SRPK2: variants seen among roughly 807,000 people sequenced by gnomAD.
The protein encoded by SRPK2 is SFRS protein kinase 2.
In SRPK2, 21 loss-of-function variants were observed where a neutral mutation model predicts 90.8. The ratio of observed to expected loss-of-function variants is 0.23; its 90% confidence interval spans 0.16 to 0.33. The LOEUF is 0.33. SRPK2 is among the 10% of genes least tolerant of loss of function. The pLI, the probability that SRPK2 is intolerant of heterozygous loss-of-function variation, is 1.00. For synonymous variants in SRPK2, 288 were observed against 311.1 expected, an observed-to-expected ratio of 0.93 and a Z score of 0.78; for missense variants, 620 against 869.0, an observed-to-expected ratio of 0.71 and a Z score of 3.60.
Position 105,223,606 on chromosome 7 carries a change from G to T in SRPK2, c.72-19821C>A, listed in dbSNP as rs1257919164. On this transcript the variant is annotated intron_variant, in intron 2 of 15. Coordinates refer to ENST00000393651, the MANE Select transcript of SRPK2 (RefSeq NM_182692.3). ...AGATCTCAACTATAGCACCTCCCGG[G>T]GTTCCTCTTGTATTTTAATTAACCA... 1.2e-4 allele frequency among the ~76,000 whole-genome samples: 18 copies of T among 152,188 alleles called. No homozygotes were observed. The East Asian group carries it at 3.5e-3, about 29-fold the overall frequency.
intron 2 of SRPK2, among the ~76,000 whole-genome samples, chr7:105,282,397 A>G (rs1168842602): frequency 1.3e-5 from 2 of 152,262 alleles, no homozygotes; most frequent in Non-Finnish European, 2.9e-5. Flanking sequence ...GAATCTTCAT[A>G]ACCTTAGAAG....
At chr7:105,193,993 A>G (rs1365686092) in intron 3 of SRPK2, among the ~76,000 whole-genome samples, 2 of 152,224 alleles carry the variant, frequency 1.3e-5, no homozygotes, top group Non-Finnish European at 2.9e-5. Flanking sequence ...TCCCAGTCAC[A>G]TTCTTTGTCA....
chr7:105,170,420 C>T lies in SRPK2; in HGVS notation c.230-1155G>A, dbSNP rs146391971. ...ACAAATGAAGAAATGAGGCCGGGCA[C>T]GGTGGCTCACACCTGTAATCCCAGC... On this transcript the variant is annotated intron_variant, in intron 3 of 15. Coordinates refer to ENST00000393651, the MANE Select transcript of SRPK2 (RefSeq NM_182692.3). Among the ~76,000 whole-genome samples the T allele has an allele frequency of 1.8e-3, 280 of 151,884 alleles. 2 individuals are homozygous for T. Among genetic ancestry groups the T allele is most frequent in the East Asian group, 0.013 (65 of 5,134 alleles).
chr7:105,283,436 T>C (rs1338532207), intron 2 of SRPK2, among the ~76,000 whole-genome samples: 1 of 152,226 alleles, frequency 6.6e-6, no homozygotes, highest in Non-Finnish European at 1.5e-5. Context: ...GGTATATACA[T>C]ATGTAAAAGA....
chr7:105,165,628 C>T (rs1789945635), intron 6 of SRPK2, among the ~76,000 whole-genome samples: 1 of 152,118 alleles, frequency 6.6e-6, no homozygotes, highest in Non-Finnish European at 1.5e-5. Context: ...TAAAAACACA[C>T]TAATCAGCAC....
chr7:105,207,715 T>C (rs780235962), intron 2 of SRPK2, among the ~76,000 whole-genome samples: 5 of 152,130 alleles, frequency 3.3e-5, no homozygotes, highest in African/African-American at 4.8e-5. Context: ...GAAAAAAACA[T>C]AGGAGTAAAT....
intron 15 of SRPK2, chr7:105,125,829 T>G: frequency 7.7e-7 from 1 of 1,294,960 alleles, no homozygotes; most frequent in Non-Finnish European, 1.0e-6. Flanking sequence ...CATAGCGTAT[T>G]TTCGAGGGAC....
At chr7:105,175,969 C>T (rs1404794883) in intron 3 of SRPK2, among the ~76,000 whole-genome samples, 2 of 152,064 alleles carry the variant, frequency 1.3e-5, no homozygotes, top group African/African-American at 2.4e-5. Context: ...GAAATACTTC[C>T]AGTTTTGATC....
chr7:105,225,484 T>C (rs947183296), intron 2 of SRPK2, among the ~76,000 whole-genome samples: 1 of 152,202 alleles, frequency 6.6e-6, no homozygotes, highest in African/African-American at 2.4e-5. Context: ...CCCAAATCAT[T>C]AGCCAGCCTC....
At chr7:105,183,901 G>A (rs1420132611) in intron 3 of SRPK2, among the ~76,000 whole-genome samples, 1 of 151,138 alleles carries the variant, frequency 6.6e-6, no homozygotes, top group East Asian at 1.9e-4. Context: ...TTCGCTGAAT[G>A]TATTTTAAGT....
intron 2 of SRPK2, among the ~76,000 whole-genome samples, chr7:105,385,095 A>G (rs531257098): frequency 1.4e-5 from 2 of 147,444 alleles, no homozygotes; most frequent in Admixed American, 1.4e-4. Flanking sequence ...GATGGTCTCG[A>G]TCTCCTGACC....
At chr7:105,311,548 T>G (rs1811710641) in intron 2 of SRPK2, among the ~76,000 whole-genome samples, 1 of 152,176 alleles carries the variant, frequency 6.6e-6, no homozygotes, top group African/African-American at 2.4e-5. Flanking sequence ...GCAAAGGATT[T>G]CAAGTCATTT....
intron 2 of SRPK2, among the ~76,000 whole-genome samples, chr7:105,380,871 T>G (rs1160382978): frequency 6.6e-6 from 1 of 150,760 alleles, no homozygotes; most frequent in Non-Finnish European, 1.5e-5. Context: ...CAGCTGACAC[T>G]TGCTTCTTAA....
At chr7:105,380,610 G>C (rs1820830941) in intron 2 of SRPK2, among the ~76,000 whole-genome samples, 1 of 145,726 alleles carries the variant, frequency 6.9e-6, no homozygotes, top group African/African-American at 2.6e-5. Flanking sequence ...TGCAAGCTCT[G>C]CCTCCCGGGT....
intron 2 of SRPK2, among the ~76,000 whole-genome samples, chr7:105,376,473 C>T (rs1456565330): frequency 2.6e-5 from 4 of 151,850 alleles, no homozygotes; most frequent in African/African-American, 9.7e-5. Context: ...TCCAAATACC[C>T]CTTTTCTTGC....
At chr7:105,119,327 C>T (rs545810517) in intron 15 of SRPK2, among the ~76,000 whole-genome samples, 29 of 152,140 alleles carry the variant, frequency 1.9e-4, no homozygotes, top group Admixed American at 1.0e-3. Flanking sequence ...AAAGCCCTCC[C>T]GTTTAAAAAC....
rs186377826 is a variant in SRPK2 at position 105,329,902 on chromosome 7, G to T, written c.71+58746C>A. Among the ~76,000 whole-genome samples the T allele has an allele frequency of 5.4e-4, 82 of 151,874 alleles. 1 individual carries two copies. The highest frequency in any genetic ancestry group is 1.9e-3 in the African/African-American group (77 of 41,420). ...ATACAAAAATTAGCCGGGTGTGGCG[G>T]CACACACCTCTAATCCCAGCTACTC... is the stretch of plus-strand genomic sequence containing the variant. On this transcript the variant is annotated intron_variant, in intron 2 of 15. Transcript: ENST00000393651.
chr7:105,126,873 A>G, intron 14 of SRPK2, 120 bp downstream of exon 14: 1 of 959,184 alleles, frequency 1.0e-6, no homozygotes, highest in Non-Finnish European at 1.6e-6. Context: ...AAAGCATCTG[A>G]ATTTGGTGTT....
intron 11 of SRPK2, among the ~76,000 whole-genome samples, chr7:105,138,104 G>C (rs537272186): frequency 2.0e-5 from 3 of 152,342 alleles, no homozygotes; most frequent in East Asian, 3.9e-4. Context: ...GGGATGGTAT[G>C]TGTGTTGGAC....
Sources: gnomAD v4.1 joint callset for allele counts (sites outside exome capture counted in the v4.1 genomes callset) on GRCh38, gnomAD v4.1.1 for gene constraint, MANE v1.5 for transcripts, NCBI Gene and HGNC (gene_info 2026-07-23, HGNC 2026-07-21) for gene names.